Variants in GPCPD1 observed in about 807,000 individuals in gnomAD.
The protein encoded by GPCPD1 is glycerophosphocholine phosphodiesterase GPCPD1.
Under a neutral mutation model 89.2 loss-of-function variants are expected in GPCPD1, and 29 were observed. The ratio of observed to expected loss-of-function variants is 0.33; its 90% CI spans 0.24 to 0.44. The LOEUF (loss-of-function observed/expected upper bound fraction) is 0.44, where lower values mean the gene tolerates loss of function less well. Among genes scored for constraint, GPCPD1 ranks in the 20% least tolerant of loss-of-function variants. The probability of loss-of-function intolerance (pLI) is 1.00; values close to 1 mark genes in which losing one functional copy is unlikely to be tolerated. For synonymous variants in GPCPD1, 258 were observed against 266.3 expected (o/e 0.97, Z 0.30); for missense variants, 594 against 808.9 (o/e 0.73, Z 3.22).
intron 4 of GPCPD1, among the ~76,000 whole-genome samples, chr20:5,586,723 A>G (rs1376069060): frequency 6.6e-6 from 1 of 152,232 alleles, no homozygotes; most frequent in Non-Finnish European, 1.5e-5. Flanking sequence ...AATAGTAGGA[A>G]CAAGTACTCA....
intron 6 of GPCPD1, among the ~76,000 whole-genome samples, chr20:5,580,705 G>A (rs557941187): frequency 6.0e-5 from 9 of 148,794 alleles, no homozygotes; most frequent in South Asian, 2.1e-4. Context: ...CAGCCTGGGC[G>A]GCAGAGCGAG....
chr20:5,553,792 A>G (rs1441851089), intron 19 of GPCPD1, among the ~76,000 whole-genome samples: 1 of 152,230 alleles, frequency 6.6e-6, no homozygotes, highest in Non-Finnish European at 1.5e-5. Context: ...AAGAAGCTGC[A>G]GAAGAAAAGT....
rs1482989277 is a variant in GPCPD1 at position 5,582,070 on chromosome 20, C to G, written c.350-1939G>C. The stretch of plus-strand genomic sequence containing the variant: ...GCGTGGTAGCGGGCGCCTGTAGTCC[C>G]AGCTACTCGGGAGGCTGAGGCAGGA... On this transcript the variant is annotated intron_variant, in intron 6 of 19. Coordinates refer to ENST00000379019, the MANE Select transcript of GPCPD1 (RefSeq NM_019593.5). Among the ~76,000 whole-genome samples, 4 of 147,928 alleles carry G rather than the reference C, an allele frequency of 2.7e-5. No individual in the cohort carries two copies. The East Asian group carries it at 7.8e-4, about 29-fold the overall frequency.
In GPCPD1 at chr20:5,565,056, AT is replaced by A; in HGVS notation, c.1289del (p.Asn430IlefsTer16). ...GAAATGGCTGATTTTCTGAAAAGGAATTTTCCTCCTGAACCACAGATTCTGA... is the reference window on the plus strand; with the variant it reads ...GAAATGGCTGATTTTCTGAAAAGGAATTTCCTCCTGAACCACAGATTCTGA... The part of the protein sequence containing the change: ...DRKESVVQEE[N>X]SFSENQPFPS... On this transcript the variant is annotated frameshift_variant, in exon 15 of 20. Coordinates refer to ENST00000379019, the MANE Select transcript of GPCPD1 (RefSeq NM_019593.5). LOFTEE classifies it high-confidence loss of function. The A allele has an allele frequency of 6.5e-7, 1 of 1,547,162 alleles. No individual in the cohort carries two copies. Among genetic ancestry groups the A allele is most frequent in the Non-Finnish European group, 8.9e-7 (1 of 1,119,192 alleles).
intron 15 of GPCPD1, among the ~76,000 whole-genome samples, chr20:5,562,115 A>T (rs1168458500): frequency 6.6e-6 from 1 of 152,220 alleles, no homozygotes; most frequent in Non-Finnish European, 1.5e-5. Flanking sequence ...TTATCTAGAC[A>T]CTTTGCCATC....
chr20:5,603,575 G>A (rs1198406377), intron 2 of GPCPD1, among the ~76,000 whole-genome samples: 9 of 152,058 alleles, frequency 5.9e-5, no homozygotes, highest in Non-Finnish European at 2.9e-5. Flanking sequence ...ACATAAAACC[G>A]AGAGGTACCT....
chr20:5,559,598 A>G (rs1485175681), intron 17 of GPCPD1, among the ~76,000 whole-genome samples: 1 of 152,200 alleles, frequency 6.6e-6, no homozygotes, highest in Non-Finnish European at 1.5e-5. Context: ...TTTTTTAATA[A>G]AAGATAAATA....
chr20:5,583,210 G>A (rs1243343103), intron 6 of GPCPD1, among the ~76,000 whole-genome samples: 1 of 124,308 alleles, frequency 8.0e-6, no homozygotes, highest in Non-Finnish European at 1.6e-5. Context: ...GGCAACAGGT[G>A]CAAAAACTCC....
At chr20:5,601,841 A>G (rs1980179381) in intron 2 of GPCPD1, among the ~76,000 whole-genome samples, 1 of 152,220 alleles carries the variant, frequency 6.6e-6, no homozygotes, top group Non-Finnish European at 1.5e-5. Context: ...CATTTTACCA[A>G]TTCCCCCTGC....
At chr20:5,562,134 T>C (rs1408018989) in intron 15 of GPCPD1, among the ~76,000 whole-genome samples, 2 of 152,212 alleles carry the variant, frequency 1.3e-5, no homozygotes, top group East Asian at 1.9e-4. Flanking sequence ...TCAGATTATT[T>C]TGGCAGTTTT....
intron 19 of GPCPD1, among the ~76,000 whole-genome samples, chr20:5,555,743 C>T (rs1220018954): frequency 2.0e-5 from 3 of 151,632 alleles, no homozygotes; most frequent in African/African-American, 7.3e-5. Flanking sequence ...GCCTGTAATC[C>T]CAGCTACCCA....
intron 15 of GPCPD1, 130 bp from the exon 16 acceptor site, chr20:5,561,660 T>A (rs1986086686): frequency 1.8e-6 from 1 of 559,090 alleles, no homozygotes; most frequent in Non-Finnish European, 3.2e-6. Context: ...GTTTTGTGCA[T>A]AATGCACAAA....
chr20:5,587,294 C>T (rs1190181716), intron 4 of GPCPD1, among the ~76,000 whole-genome samples: 1 of 151,950 alleles, frequency 6.6e-6, no homozygotes, highest in Non-Finnish European at 1.5e-5. Flanking sequence ...TCACCCATAT[C>T]ATACCATTTA....
intron 19 of GPCPD1, among the ~76,000 whole-genome samples, chr20:5,555,781 G>C (rs1332662351): frequency 6.6e-6 from 1 of 152,190 alleles, no homozygotes; most frequent in African/African-American, 2.4e-5. Flanking sequence ...TTGAACCCAG[G>C]AGATGGAGGT....
chr20:5,568,970 T>C (rs1343898519), intron 12 of GPCPD1, among the ~76,000 whole-genome samples: 2 of 152,098 alleles, frequency 1.3e-5, no homozygotes, highest in Non-Finnish European at 1.5e-5. Flanking sequence ...AATAAGATCA[T>C]TTATCACTTC....
At chr20:5,595,368 C>T (rs1474840064) in intron 3 of GPCPD1, among the ~76,000 whole-genome samples, 1 of 152,058 alleles carries the variant, frequency 6.6e-6, no homozygotes, top group South Asian at 2.1e-4. Flanking sequence ...TGCTGCCAGG[C>T]GTGGTGGCTC....
chr20:5,578,430 T>C lies in GPCPD1; in HGVS notation c.655A>G (p.Ile219Val), dbSNP rs772415258. ...AGGTTATCTGGTTCCATCGTCTGTATGCTGTACTCTGTCCAACGATCAGGC... is the reference window on the plus strand; with the variant it reads ...AGGTTATCTGGTTCCATCGTCTGTACGCTGTACTCTGTCCAACGATCAGGC... The part of the protein sequence containing the change: ...LQPDRWTEYS[I>V]QTMEPDNLEL... The change falls in exon 8 of 20, where the codon ATA becomes GTA. Residue 219 changes from isoleucine (I) to valine (V), a missense_variant. Ile to Val is a conservative substitution (Grantham distance 29). Coordinates refer to ENST00000379019, the MANE Select transcript of GPCPD1 (RefSeq NM_019593.5). 1.9e-6 allele frequency: 3 copies of C among 1,613,960 alleles called. No homozygotes were observed. The highest frequency in any genetic ancestry group is 2.7e-5 in the African/African-American group (2 of 74,940).
intron 4 of GPCPD1, among the ~76,000 whole-genome samples, chr20:5,589,471 G>A (rs1377875933): frequency 6.6e-6 from 1 of 152,100 alleles, no homozygotes; most frequent in Non-Finnish European, 1.5e-5. Context: ...AATTAGCCGG[G>A]CATAGTGGTG....
intron 4 of GPCPD1, among the ~76,000 whole-genome samples, chr20:5,587,618 A>G (rs961467484): frequency 6.6e-6 from 1 of 152,130 alleles, no homozygotes; most frequent in African/African-American, 2.4e-5. Flanking sequence ...CACCCACCTC[A>G]GCCTCCCAAT....
Sources: gnomAD v4.1 joint callset for allele counts (sites outside exome capture counted in the v4.1 genomes callset) on GRCh38, gnomAD v4.1.1 for gene constraint, MANE v1.5 for transcripts, NCBI Gene and HGNC (gene_info 2026-07-23, HGNC 2026-07-21) for gene names.